Variants in VNN2 observed in about 807,000 individuals in gnomAD.
The protein encoded by VNN2 is vanin 2, also known as pantetheine hydrolase VNN2.
A neutral mutation model predicts 43.0 loss-of-function variants in VNN2; 43 were observed. The observed-to-expected ratio is 1.00, with a 90% CI of 0.78 to 1.29. The LOEUF is 1.29. Among genes scored for constraint, VNN2 ranks in the 50% most tolerant of loss-of-function variants. The pLI is 0.00. For missense variants in VNN2, 652 were observed against 619.7 expected, an observed-to-expected ratio of 1.05 and a Z score of -0.55; for synonymous variants, 230 against 224.3, an observed-to-expected ratio of 1.03 and a Z score of -0.23.
rs750385537 is a variant in VNN2 at position 132,757,810 on chromosome 6, C to G, written c.74G>C (p.Ser25Thr). 21 of 1,614,014 alleles carry G rather than the reference C, an allele frequency of 1.3e-5. No individual in the cohort carries two copies. The highest frequency in any genetic ancestry group is 1.0e-4 in the Admixed American group (6 of 59,998). The change falls in exon 1 of 7, where the codon AGT (serine) becomes ACT (threonine). Residue 25 changes from serine (S) to threonine (T), a missense_variant. Physicochemically the swap from Ser to Thr is moderately conservative, Grantham distance 58 (BLOSUM62 1). Coordinates refer to ENST00000326499, the MANE Select transcript of VNN2 (RefSeq NM_004665.6). ...LITLQVGTQDSFIAAVYEHAV... is the reference protein window; with the variant it reads ...LITLQVGTQDTFIAAVYEHAV... ...ATGTTCATACACTGCAGCTATAAAA[C>G]TGTCCTGAGTACCAACCTGCAGGGT... is the stretch of plus-strand genomic sequence containing the variant.
At chr6:132,754,373 C>T (rs1437720170) in intron 3 of VNN2, among the ~76,000 whole-genome samples, 1 of 152,200 alleles carries the variant, frequency 6.6e-6, no homozygotes, top group African/African-American at 2.4e-5. Flanking sequence ...GAAATTGTTG[C>T]ACTTTATAAA....
chr6:132,761,003 G>T (rs1780725800), upstream of VNN2, among the ~76,000 whole-genome samples: 1 of 152,166 alleles, frequency 6.6e-6, no homozygotes, highest in East Asian at 1.9e-4. Context: ...TTAGAAGTTA[G>T]TAAATGAAGG....
chr6:132,749,544 C>T (rs1779924753), intron 6 of VNN2, 151 bp downstream of exon 6: 1 of 813,084 alleles, frequency 1.2e-6, no homozygotes, highest in South Asian at 1.9e-5. Flanking sequence ...ACCCCAAGTT[C>T]AAATTGCCAA....
At chr6:132,750,735 G>C (rs1466211759) in intron 5 of VNN2, among the ~76,000 whole-genome samples, 1 of 151,142 alleles carries the variant, frequency 6.6e-6, no homozygotes, top group African/African-American at 2.4e-5. Context: ...GATTAGAAGA[G>C]AAACTAAAAT....
intron 4 of VNN2, among the ~76,000 whole-genome samples, chr6:132,752,041 C>A (rs1007830029): frequency 6.6e-6 from 1 of 152,110 alleles, no homozygotes; most frequent in African/African-American, 2.4e-5. Context: ...TCTCTCTTGT[C>A]CCCTCTCATT....
At chr6:132,748,093 C>T (rs969275013) in intron 6 of VNN2, among the ~76,000 whole-genome samples, 15 of 152,184 alleles carry the variant, frequency 9.9e-5, no homozygotes, top group African/African-American at 3.6e-4. Flanking sequence ...TTCAGGCTTA[C>T]AGAATATAAT....
In VNN2 at chr6:132,749,675, TCTTATAAA is replaced by T. The variant is rs1481835014; in HGVS notation, c.1371+12_1371+19del. ...CAGAGAACATATAAAATGAAAATACTCTTATAAAAGTCCTCTTACCTCAAATTTTCCAG... is the reference window on the plus strand; with the variant it reads ...CAGAGAACATATAAAATGAAAATACTAGTCCTCTTACCTCAAATTTTCCAG... On this transcript the variant is annotated intron_variant, in intron 6 of 6. Coordinates refer to ENST00000326499, the MANE Select transcript of VNN2 (RefSeq NM_004665.6). The T allele has an allele frequency of 5.7e-5, 91 of 1,597,364 alleles. No individual in the cohort carries two copies. Among genetic ancestry groups the T allele is most frequent in the Non-Finnish European group, 7.5e-5 (88 of 1,171,060 alleles).
intron 2 of VNN2, among the ~76,000 whole-genome samples, chr6:132,756,648 G>C (rs559596816): frequency 6.6e-6 from 1 of 152,110 alleles, no homozygotes; most frequent in Non-Finnish European, 1.5e-5. Flanking sequence ...CTATTTATTG[G>C]TTGCTCTTCT....
intron 3 of VNN2, chr6:132,753,545 C>T (rs1780265335): frequency 2.3e-6 from 1 of 433,314 alleles, no homozygotes; most frequent in Middle Eastern, 3.4e-4. Flanking sequence ...TCTAGGTAAA[C>T]TAAAAAAAAA....
chr6:132,752,534 A>G lies in VNN2; in HGVS notation c.753T>C (p.His251=). ...VLPLLTAIEF[H]SAWAMGMGVN... is the part of the protein sequence containing the mutation. ...CTCCCATTCCCATTGCCCAAGCTGA[A>G]TGGAATTCAATAGCTGTCAAAAGGG... Residue 251 remains histidine, a synonymous_variant, in exon 4 of 7, where the codon CAT becomes CAC. Coordinates refer to ENST00000326499, the MANE Select transcript of VNN2 (RefSeq NM_004665.6). 2 of 1,614,210 alleles carry G rather than the reference A, an allele frequency of 1.2e-6. No individual in the cohort carries two copies. Among genetic ancestry groups the G allele is most frequent in the Non-Finnish European group, 1.7e-6 (2 of 1,180,028 alleles).
rs1780585941 is a variant in VNN2 at position 132,757,880 on chromosome 6, C to T, written c.4G>A (p.Val2Ile). 1.9e-6 allele frequency: 3 copies of T among 1,612,662 alleles called. No individual in the cohort carries two copies. Among genetic ancestry groups the T allele is most frequent in the Admixed American group, 1.7e-5 (1 of 59,866 alleles). Residue 2 changes from valine (V) to isoleucine (I), a missense_variant, in exon 1 of 7, where the codon GTC becomes ATC. Transcript: ENST00000326499. ...ACAGAGATTGGAAAAGAGGAAGTGA[C>T]CATGGCCAAGGTTTAGTGATTTCTG... M[V>I]TSSFPISVAV...
chr6:132,747,714 A>G (rs576667274), intron 6 of VNN2, among the ~76,000 whole-genome samples: 43 of 152,364 alleles, frequency 2.8e-4, no homozygotes, highest in African/African-American at 9.9e-4. Context: ...ATTCTCTTGT[A>G]TCATTCTCTA....
Position 132,757,731 on chromosome 6 carries a change from C to A in VNN2, c.153G>T (p.Leu51Phe), listed in dbSNP as rs367675487. 3 of 1,613,998 alleles carry A rather than the reference C, an allele frequency of 1.9e-6. No individual in the cohort carries two copies. In the African/African-American group the frequency reaches 4.0e-5, roughly 22 times the overall value. Reference protein sequence around the residue: ...TETPVSQEDALNLMNENIDIL... With the variant: ...TETPVSQEDAFNLMNENIDIL... The stretch of plus-strand genomic sequence containing the variant: ...TGTCTATATTCTCGTTCATGAGATT[C>A]AAGGCATCCTCCTGAGAAACTGGTG... The change falls in exon 1 of 7, where the codon TTG (leucine) becomes TTT (phenylalanine). Residue 51 changes from leucine to phenylalanine, a missense_variant. Transcript: ENST00000326499.
upstream of VNN2, among the ~76,000 whole-genome samples, chr6:132,758,716 C>T (rs911205091): frequency 6.6e-6 from 1 of 151,938 alleles, no homozygotes; most frequent in African/African-American, 2.4e-5. Flanking sequence ...ATATTGATAA[C>T]AAAATTTACC....
chr6:132,749,192 T>C (rs34350418), intron 6 of VNN2, among the ~76,000 whole-genome samples: 3,405 of 152,198 alleles, frequency 0.022, 115 homozygotes, highest in African/African-American at 0.075. Context: ...CATTGAGAGG[T>C]CTGAGTTCTT....
At chr6:132,747,484 G>A (rs1779788858) in intron 6 of VNN2, among the ~76,000 whole-genome samples, 2 of 152,024 alleles carry the variant, frequency 1.3e-5, no homozygotes, top group Non-Finnish European at 2.9e-5. Flanking sequence ...GGGCGTGGTG[G>A]CATGCACCTG....
At chr6:132,759,445 A>AC (rs1780681827), upstream of VNN2, among the ~76,000 whole-genome samples, 1 of 139,724 alleles carries the variant, frequency 7.2e-6, no homozygotes, top group Non-Finnish European at 1.5e-5. Context: ...TCTCAAAAAA[A>AC]AAAAAAAAAA....
At chr6:132,748,741 T>A (rs1779872315) in intron 6 of VNN2, among the ~76,000 whole-genome samples, 1 of 152,242 alleles carries the variant, frequency 6.6e-6, no homozygotes, top group African/African-American at 2.4e-5. Flanking sequence ...CCAGCTTAAT[T>A]TGTGAATTAA....
chr6:132,755,976 T>C lies in VNN2; in HGVS notation c.404A>G (p.Tyr135Cys). 6.2e-7 allele frequency: 1 copy of C among 1,614,154 alleles called. No homozygotes were observed. Among genetic ancestry groups the C allele is most frequent in the Non-Finnish European group, 8.5e-7 (1 of 1,180,008 alleles). Residue 135 changes from tyrosine (Y) to cysteine (C), a missense_variant, in exon 3 of 7, where the codon TAT becomes TGT. Tyr to Cys is a radical substitution (Grantham distance 194, BLOSUM62 -2). Transcript: ENST00000326499. ...TTTGTCCCCCAAATTTGCCAAGACATAGATAGAGTTGTCCTTGGCCAGGCA... is the reference window on the plus strand; with the variant it reads ...TTTGTCCCCCAAATTTGCCAAGACACAGATAGAGTTGTCCTTGGCCAGGCA... ...LSCLAKDNSIYVLANLGDKKP... is the reference protein window; with the variant it reads ...LSCLAKDNSICVLANLGDKKP...
Sources: allele counts gnomAD v4.1 joint callset (sites outside exome capture counted in the v4.1 genomes callset), GRCh38; gene constraint gnomAD v4.1.1; transcripts MANE v1.5; gene names NCBI Gene and HGNC (gene_info 2026-07-23, HGNC 2026-07-21).